ESPN: variants seen among roughly 807,000 people sequenced by gnomAD.
ESPN encodes the protein autosomal recessive deafness type 36 protein.
In ESPN, 68 loss-of-function variants were observed where a neutral mutation model predicts 77.7. The ratio of observed to expected loss-of-function variants is 0.87; its 90% confidence interval spans 0.72 to 1.07. The LOEUF (loss-of-function observed/expected upper bound fraction) is 1.07, where lower values mean the gene tolerates loss of function less well. Ranked by LOEUF, ESPN falls within the 50% of genes least tolerant of loss-of-function variation. The probability of loss-of-function intolerance (pLI) is 0.00; values close to 1 mark genes in which losing one functional copy is unlikely to be tolerated. For synonymous variants in ESPN, 449 were observed against 567.1 expected, an observed-to-expected ratio of 0.79 and a Z score of 2.96; for missense variants, 1,060 against 1,239.0, an observed-to-expected ratio of 0.86 and a Z score of 2.17.
At position 6,440,824 on chromosome 1, in the gene ESPN, G is replaced by A. The variant is rs1255161465; in HGVS notation, c.858+16G>A. ...GGAGCTAGAGGTCAGCGCGGGCCCG[G>A]GGTGGGGGCGCGCGCCCTCTGCTGG... On this transcript the variant is annotated intron_variant, in intron 4 of 12. Transcript: ENST00000645284. The A allele has an allele frequency of 1.4e-6, 2 of 1,460,580 alleles. No individual in the cohort carries two copies. The allele number at this position is 1,460,580 out of a possible 1,614,324, so 90.5% of individuals were successfully genotyped here. A position where few individuals can be genotyped will look rare whatever the true frequency, so the allele number is the denominator to read the frequency against.
chr1:6,446,523 G>A (rs371569609), intron 7 of ESPN, among the ~76,000 whole-genome samples: 46 of 152,170 alleles, frequency 3.0e-4, no homozygotes, highest in African/African-American at 8.7e-4. Context: ...GGAAGGAAGC[G>A]AGCCTGTGTG....
chr1:6,424,966 A>T lies in ESPN; in HGVS notation c.11A>T (p.Glu4Val). The change falls in exon 1 of 13, where the codon GAG becomes GTG. Residue 4 changes from glutamate to valine, a missense_variant. Glu to Val is a moderately radical substitution (Grantham distance 121). Transcript: ENST00000645284. Reference sequence around the variant, plus strand: ...GCCGCACGCGGCACCATGGCCCTGGAGCAGGCGCTGCAGGCGGCGCGGCAG... The same window carrying T: ...GCCGCACGCGGCACCATGGCCCTGGTGCAGGCGCTGCAGGCGGCGCGGCAG... MAL[E>V]QALQAARQGE... 6.9e-7 allele frequency: 1 copy of T among 1,453,168 alleles called. No individual in the cohort carries two copies. 90.0% of individuals were successfully genotyped at this position (1,453,168 alleles called of 1,614,324 possible).
Position 6,424,900 on chromosome 1 carries a change from G to T in ESPN, c.-56G>T, listed in dbSNP as rs959996700. 3.6e-6 allele frequency: 5 copies of T among 1,395,160 alleles called. No individual in the cohort carries two copies. The highest frequency in any genetic ancestry group is 4.7e-6 in the Non-Finnish European group (5 of 1,074,776). The allele number at this position is 1,395,160 out of a possible 1,614,324, so 86.4% of individuals were successfully genotyped here. A position where few individuals can be genotyped will look rare whatever the true frequency, so the allele number is the denominator to read the frequency against. ...GCTCCTCTGGCCCGCAAGAACACGTGCATGGCGTCCTGGGGAAGGCGCTGA... is the reference window on the plus strand; with the variant it reads ...GCTCCTCTGGCCCGCAAGAACACGTTCATGGCGTCCTGGGGAAGGCGCTGA... On this transcript the variant is annotated 5_prime_UTR_variant, in exon 1 of 13. Coordinates refer to ENST00000645284, the MANE Select transcript of ESPN (RefSeq NM_031475.3).
chr1:6,456,749 G>T, intron 10 of ESPN: 1 of 297,448 alleles, frequency 3.4e-6, no homozygotes, highest in Non-Finnish European at 6.4e-6. Context: ...CACTCTATTG[G>T]GAAGATGGCA....
chr1:6,450,917 C>T lies in ESPN; in HGVS notation c.1916-686C>T, dbSNP rs1421112830. ...GCTAAGCTGGAAAATGCACACTCTG[C>T]CCTGGGTGTTTCCATATTATCCGCC... On this transcript the variant is annotated intron_variant, in intron 8 of 12. Coordinates refer to ENST00000645284, the MANE Select transcript of ESPN (RefSeq NM_031475.3). The surrounding 1 kb of genome is among the most constrained non-coding windows in gnomAD (Gnocchi z 4.3). 6.6e-6 allele frequency among the ~76,000 whole-genome samples: 1 copy of T among 152,194 alleles called. No individual in the cohort carries two copies. The highest frequency in any genetic ancestry group is 1.5e-5 in the Non-Finnish European group (1 of 68,036).
intron 12 of ESPN, among the ~76,000 whole-genome samples, chr1:6,459,262 C>T (rs1644111625): frequency 6.7e-6 from 1 of 150,204 alleles, no homozygotes; most frequent in Admixed American, 6.6e-5. Flanking sequence ...AAAAAAATAG[C>T]TGGGCGTAGT....
chr1:6,450,432 C>T lies in ESPN; in HGVS notation c.1916-1171C>T, dbSNP rs1474173361. ...CTAACTCCGCTGTCACTTCTCTCCT[C>T]TTGGTCCCTAGAAGTGAGAGTCCTG... On this transcript the variant is annotated intron_variant, in intron 8 of 12. Coordinates refer to ENST00000645284, the MANE Select transcript of ESPN (RefSeq NM_031475.3). The surrounding 1 kb of genome is among the most constrained non-coding windows in gnomAD (Gnocchi z 4.3). The T allele has an allele frequency of 7.2e-6, 7 of 971,456 alleles. No homozygotes were observed. In the East Asian group the frequency reaches 8.0e-4, roughly 111 times the overall value. 60.2% of individuals were successfully genotyped at this position (971,456 alleles called of 1,614,324 possible).
At chr1:6,453,810 A>T (rs1195398495) in intron 10 of ESPN, among the ~76,000 whole-genome samples, 1 of 152,138 alleles carries the variant, frequency 6.6e-6, no homozygotes, top group Non-Finnish European at 1.5e-5. Flanking sequence ...CAGGGGGAAA[A>T]CTGGACATCA....
chr1:6,445,594 G>A, intron 6 of ESPN, 70 bp from the exon 7 acceptor site: 10 of 1,544,744 alleles, frequency 6.5e-6, no homozygotes, highest in Non-Finnish European at 8.9e-6. Context: ...CCAGGTGGTG[G>A]AGAGTCTCAG....
At position 6,460,268 on chromosome 1, in the gene ESPN, C is replaced by A; in HGVS notation, c.*122C>A. ...AGCCCTCCCCTCCTGCGCTGGAAAC[C>A]CTCCCTGACCCCCACCCTGGCCCCC... On this transcript the variant is annotated 3_prime_UTR_variant, in exon 13 of 13. Coordinates refer to ENST00000645284, the MANE Select transcript of ESPN (RefSeq NM_031475.3). The A allele has an allele frequency of 7.9e-7, 1 of 1,262,234 alleles. No homozygotes were observed. The allele number at this position is 1,262,234 out of a possible 1,614,324, so 78.2% of individuals were successfully genotyped here. A position where few individuals can be genotyped will look rare whatever the true frequency, so the allele number is the denominator to read the frequency against.
In ESPN at chr1:6,448,665, G is replaced by C. The variant is rs752185152; in HGVS notation, c.1489G>C (p.Gly497Arg). The change falls in exon 8 of 13, where the codon GGG (glycine) becomes CGG (arginine). Residue 497 changes from glycine (G) to arginine (R), a missense_variant. By Grantham distance (125) the Gly-to-Arg change is moderately radical. Around this residue, in one of 3 missense-constraint regions of ESPN, gnomAD observed 130 missense variants for 223.9 expected, o/e 0.58. Transcript: ENST00000645284. Reference protein sequence around the residue: ...KELSSCDGHDGLRRQDSSRKP... With the variant: ...KELSSCDGHDRLRRQDSSRKP... ...GCTGAGCTCCTGTGACGGCCACGAC[G>C]GGCTGCGGAGGCAGGACTCCAGCCG... 1 of 1,560,640 alleles carries C rather than the reference G, an allele frequency of 6.4e-7. No individual in the cohort carries two copies. The highest frequency in any genetic ancestry group is 8.6e-7 in the Non-Finnish European group (1 of 1,164,546).
In ESPN at chr1:6,444,555, C is replaced by T. The variant is rs755811022; in HGVS notation, c.1065C>T (p.Ser355=). ...CTAAGCAGCCGGATTCAGGCATGTC[C>T]TCACCCAATACCACGGTGTCGGTCC... The part of the protein sequence containing the change: ...LEAKQPDSGM[S]SPNTTVSVQP... The change falls in exon 6 of 13, where the codon TCC becomes TCT. Residue 355 remains serine (S), a synonymous_variant. Coordinates refer to ENST00000645284, the MANE Select transcript of ESPN (RefSeq NM_031475.3). 1 of 1,614,134 alleles carries T rather than the reference C, an allele frequency of 6.2e-7. No homozygotes were observed. Among genetic ancestry groups the T allele is most frequent in the Non-Finnish European group, 8.5e-7 (1 of 1,180,044 alleles).
intron 5 of ESPN, among the ~76,000 whole-genome samples, chr1:6,443,604 T>C (rs1643724134): frequency 6.6e-6 from 1 of 152,206 alleles, no homozygotes; most frequent in Non-Finnish European, 1.5e-5. Flanking sequence ...CAGGCCCAGC[T>C]GCGGCAGGGA....
At position 6,450,044 on chromosome 1, in the gene ESPN, G is replaced by A. The variant is rs567197510; in HGVS notation, c.1915+953G>A. On this transcript the variant is annotated intron_variant, in intron 8 of 12. Coordinates refer to ENST00000645284, the MANE Select transcript of ESPN (RefSeq NM_031475.3). This position sits in a 1 kb window ranked among gnomAD's most constrained non-coding sequence, Gnocchi z 4.3. ...CATGTAAGCAAGTCCAGCACCTGCCGAACCTCCTTCTTCCCTCCACAGCCT... is the reference window on the plus strand; with the variant it reads ...CATGTAAGCAAGTCCAGCACCTGCCAAACCTCCTTCTTCCCTCCACAGCCT... Among the ~76,000 whole-genome samples the A allele has an allele frequency of 3.9e-5, 6 of 152,276 alleles. No homozygotes were observed. Among genetic ancestry groups the A allele is most frequent in the East Asian group, 1.9e-4 (1 of 5,178 alleles).
intron 12 of ESPN, among the ~76,000 whole-genome samples, chr1:6,459,102 A>G (rs546228277): frequency 1.3e-4 from 19 of 151,138 alleles, no homozygotes; most frequent in African/African-American, 4.6e-4. Flanking sequence ...TTAGCTGGGC[A>G]TGGTGGCACG....
intron 2 of ESPN, among the ~76,000 whole-genome samples, chr1:6,435,305 G>A (rs1371928823): frequency 6.6e-6 from 1 of 152,148 alleles, no homozygotes. Context: ...GGAGGGCTGC[G>A]GGAATCATTC....
chr1:6,426,738 G>A (rs955458793), intron 1 of ESPN, among the ~76,000 whole-genome samples: 130 of 152,254 alleles, frequency 8.5e-4, no homozygotes, highest in African/African-American at 3.0e-3. Flanking sequence ...TTTCTCAGGA[G>A]CTGGGGCTTA....
chr1:6,444,825 C>T, intron 6 of ESPN, 143 bp downstream of exon 6: 1 of 941,846 alleles, frequency 1.1e-6, no homozygotes, highest in Non-Finnish European at 1.7e-6. Context: ...GGGGAGGCGA[C>T]ACCCCTTCTG....
chr1:6,425,423 G>A (rs1643000383), intron 1 of ESPN, among the ~76,000 whole-genome samples, 174 bp downstream of exon 1: 1 of 152,264 alleles, frequency 6.6e-6, no homozygotes, highest in South Asian at 2.1e-4. Context: ...TGGCTTGCCA[G>A]TACTGGGGCA....
Sources: gnomAD v4.1 joint callset for allele counts (sites outside exome capture counted in the v4.1 genomes callset) on GRCh38, gnomAD v4.1.1 for gene constraint, gnomAD v4.1.1 regional missense constraint, Gnocchi (gnomAD v3.1) non-coding constraint, MANE v1.5 for transcripts, NCBI Gene and HGNC (gene_info 2026-07-23, HGNC 2026-07-21) for gene names.